Variants in ENOX1 observed in about 807,000 individuals in gnomAD.
ENOX1 encodes candidate growth-related and time keeping constitutive hydroquinone (NADH) oxidase.
In ENOX1, 42 loss-of-function variants were observed where a neutral mutation model predicts 82.5. The observed-to-expected ratio is 0.51, with a 90% CI of 0.40 to 0.66. ENOX1 has a LOEUF of 0.66. Among genes scored for constraint, ENOX1 ranks in the 30% least tolerant of loss-of-function variants. The pLI, the probability that ENOX1 is intolerant of heterozygous loss-of-function variation, is 0.00. For missense variants in ENOX1, 608 were observed against 811.6 expected (o/e 0.75, Z 3.05); for synonymous variants, 271 against 282.2 (o/e 0.96, Z 0.40).
intron 1 of ENOX1, among the ~76,000 whole-genome samples, chr13:43,724,487 T>C (rs557550399): frequency 2.4e-4 from 37 of 152,340 alleles, no homozygotes; most frequent in Admixed American, 2.0e-3. Flanking sequence ...TTGGCAACAC[T>C]ATCTTACCAC....
chr13:43,601,129 C>T (rs574467159), intron 2 of ENOX1, among the ~76,000 whole-genome samples: 7 of 152,108 alleles, frequency 4.6e-5, no homozygotes, highest in South Asian at 4.2e-4. Context: ...CAAGACTGGA[C>T]GAATACCCAC....
At chr13:43,585,181 A>T (rs2080922178) in intron 2 of ENOX1, among the ~76,000 whole-genome samples, 2 of 152,220 alleles carry the variant, frequency 1.3e-5, no homozygotes, top group Admixed American at 6.5e-5. Flanking sequence ...AATGTGAGAA[A>T]GACTTGACTG....
intron 1 of ENOX1, among the ~76,000 whole-genome samples, chr13:43,770,103 C>T (rs1283320964): frequency 6.6e-6 from 1 of 152,238 alleles, no homozygotes; most frequent in Non-Finnish European, 1.5e-5. Flanking sequence ...AAATGTCTAT[C>T]AGTAAATCTA....
chr13:43,575,263 CATT>C (rs2080369185), intron 2 of ENOX1, among the ~76,000 whole-genome samples: 1 of 152,154 alleles, frequency 6.6e-6, no homozygotes, highest in African/African-American at 2.4e-5. Flanking sequence ...AGCTTGACTC[CATT>C]TTACATCTTA....
At chr13:43,329,216 AAG>A (rs1389953648) in intron 9 of ENOX1, among the ~76,000 whole-genome samples, 2 of 152,204 alleles carry the variant, frequency 1.3e-5, no homozygotes, top group East Asian at 3.8e-4. Context: ...GGTATGAATC[AAG>A]AGAGACCATG....
chr13:43,715,886 G>A (rs913426687), intron 1 of ENOX1, among the ~76,000 whole-genome samples: 8 of 150,944 alleles, frequency 5.3e-5, no homozygotes, highest in Admixed American at 2.0e-4. Context: ...CGTAGTTCTC[G>A]AGCCTTGGCT....
At chr13:43,468,406 C>G (rs571669912) in intron 3 of ENOX1, among the ~76,000 whole-genome samples, 15 of 152,028 alleles carry the variant, frequency 9.9e-5, no homozygotes, top group African/African-American at 3.6e-4. Context: ...TGGTCTCGAC[C>G]TCTTGACCTC....
At chr13:43,549,606 T>C (rs982970157) in intron 2 of ENOX1, among the ~76,000 whole-genome samples, 2 of 152,258 alleles carry the variant, frequency 1.3e-5, no homozygotes, top group African/African-American at 4.8e-5. Context: ...TTTCAGATGA[T>C]GTTATTTTTA....
intron 2 of ENOX1, among the ~76,000 whole-genome samples, chr13:43,641,960 T>C (rs1269846376): frequency 6.6e-6 from 1 of 152,170 alleles, no homozygotes; most frequent in Non-Finnish European, 1.5e-5. Flanking sequence ...ATGATAATAG[T>C]CATGTTAACA....
chr13:43,574,315 A>C (rs1413672304), intron 2 of ENOX1, among the ~76,000 whole-genome samples: 6 of 152,198 alleles, frequency 3.9e-5, no homozygotes, highest in Non-Finnish European at 8.8e-5. Context: ...AAGGTTATAA[A>C]GACGGTAATC....
intron 1 of ENOX1, among the ~76,000 whole-genome samples, chr13:43,769,382 C>T (rs1951461475): frequency 6.6e-6 from 1 of 152,158 alleles, no homozygotes; most frequent in Admixed American, 6.5e-5. Context: ...CCAAGGCACA[C>T]TAAGTGTTGC....
At chr13:43,632,839 A>G (rs2083274592) in intron 2 of ENOX1, among the ~76,000 whole-genome samples, 1 of 152,182 alleles carries the variant, frequency 6.6e-6, no homozygotes, top group African/African-American at 2.4e-5. Flanking sequence ...TTTTGATTCA[A>G]CTTTTATCAT....
intron 1 of ENOX1, among the ~76,000 whole-genome samples, chr13:43,754,480 G>A (rs375412502): frequency 4.0e-5 from 6 of 151,270 alleles, no homozygotes; most frequent in African/African-American, 1.5e-4. Flanking sequence ...TTACAGGTGT[G>A]TGCCACTACG....
intron 12 of ENOX1, among the ~76,000 whole-genome samples, chr13:43,270,297 T>C (rs1478445299): frequency 6.6e-6 from 1 of 152,134 alleles, no homozygotes; most frequent in Non-Finnish European, 1.5e-5. Flanking sequence ...AATATATACA[T>C]AGGCTGGAGA....
At chr13:43,550,310 T>A (rs1051815642) in intron 2 of ENOX1, among the ~76,000 whole-genome samples, 4 of 152,188 alleles carry the variant, frequency 2.6e-5, no homozygotes, top group Admixed American at 6.5e-5. Context: ...ATGAGCTGTG[T>A]GAGGCATGGT....
intron 11 of ENOX1, among the ~76,000 whole-genome samples, chr13:43,319,586 A>C (rs545347732): frequency 6.6e-6 from 1 of 152,272 alleles, no homozygotes; most frequent in Non-Finnish European, 1.5e-5. Context: ...AACCCATTAC[A>C]GGGTACTTTT....
Position 43,213,532 on chromosome 13 carries a change from CTTTTTCTTTTTCTT to C in ENOX1, c.*444_*457del, listed in dbSNP as rs1167201289. 70 of 61,790 alleles carry C rather than the reference CTTTTTCTTTTTCTT, an allele frequency of 1.1e-3. No homozygotes were observed. The highest frequency in any genetic ancestry group is 2.1e-3 in the Non-Finnish European group (56 of 26,734). The allele number at this position is 61,790 out of a possible 1,614,324, so 3.8% of individuals were successfully genotyped here. On this transcript the variant is annotated 3_prime_UTR_variant, in exon 17 of 17. Coordinates refer to ENST00000690772, the MANE Select transcript of ENOX1 (RefSeq NM_001347969.2). Reference sequence around the variant, plus strand: ...AAAACTTTTTCTTTTTTCTTTTTTTCTTTTTCTTTTTCTTTTTTTTTTTTTTTTTTTTTTTACTA... The same window carrying C: ...AAAACTTTTTCTTTTTTCTTTTTTTCTTTTTTTTTTTTTTTTTTTTTACTA...
chr13:43,467,394 ATG>A (rs2057777809), intron 3 of ENOX1, among the ~76,000 whole-genome samples: 1 of 152,196 alleles, frequency 6.6e-6, no homozygotes, highest in Non-Finnish European at 1.5e-5. Flanking sequence ...CCAAGTGGGT[ATG>A]AAGTGGTACC....
chr13:43,411,916 C>CTGCT lies in ENOX1; in HGVS notation c.207_208insAGCA (p.Asp70SerfsTer10). ...TCTCTGAAACCAGGAGAAAGCTTAC[C>CTGCT]AGACACGAGCTGCTGTCCAGGCAAC... is the stretch of plus-strand genomic sequence containing the variant. On this transcript the variant is annotated frameshift_variant and splice_region_variant, in exon 5 of 17. Transcript: ENST00000690772. LOFTEE classifies it high-confidence loss of function. 1 of 1,614,136 alleles carries CTGCT rather than the reference C, an allele frequency of 6.2e-7. No individual in the cohort carries two copies. Among genetic ancestry groups the CTGCT allele is most frequent in the Non-Finnish European group, 8.5e-7 (1 of 1,179,986 alleles).
Sources: allele counts gnomAD v4.1 joint callset (sites outside exome capture counted in the v4.1 genomes callset), GRCh38; gene constraint gnomAD v4.1.1; transcripts MANE v1.5; gene names NCBI Gene and HGNC (gene_info 2026-07-23, HGNC 2026-07-21).